Variants in ADAM12 observed in about 807,000 individuals in gnomAD.
The protein encoded by ADAM12 is disintegrin and metalloproteinase domain-containing protein 12.
In ADAM12, 70 loss-of-function variants were observed where a neutral mutation model predicts 106.4. That is an observed-to-expected ratio of 0.66 (90% CI 0.54 to 0.80). ADAM12 has a LOEUF of 0.80. ADAM12 is among the 30% of genes least tolerant of loss of function. The pLI is 0.00. For missense variants in ADAM12, 1,010 were observed against 1,171.9 expected (o/e 0.86, Z 2.02); for synonymous variants, 420 against 433.5 (o/e 0.97, Z 0.39).
intron 3 of ADAM12, among the ~76,000 whole-genome samples, chr10:126,237,230 C>A (rs892782124): frequency 6.6e-6 from 1 of 152,172 alleles, no homozygotes; most frequent in African/African-American, 2.4e-5. Flanking sequence ...CTTTGCCTTG[C>A]CTGTTAGAAC....
At chr10:126,354,331 CA>C (rs1458171013) in intron 1 of ADAM12, among the ~76,000 whole-genome samples, 3 of 152,130 alleles carry the variant, frequency 2.0e-5, no homozygotes, top group Non-Finnish European at 4.4e-5. Flanking sequence ...TAGTTTAACG[CA>C]ATTGGCTCCA....
chr10:126,050,891 GA>G (rs2133442153), intron 14 of ADAM12, among the ~76,000 whole-genome samples: 1 of 152,228 alleles, frequency 6.6e-6, no homozygotes, highest in Non-Finnish European at 1.5e-5. Context: ...CCATGTTAGA[GA>G]AGCCTCTGCA....
intron 12 of ADAM12, among the ~76,000 whole-genome samples, chr10:126,069,444 A>T (rs904911714): frequency 6.6e-6 from 1 of 152,254 alleles, no homozygotes; most frequent in Non-Finnish European, 1.5e-5. Flanking sequence ...TGGTAACTGC[A>T]TGCAAGCAGT....
intron 6 of ADAM12, among the ~76,000 whole-genome samples, chr10:126,112,314 C>A (rs1024468073): frequency 6.7e-6 from 1 of 149,900 alleles, no homozygotes; most frequent in African/African-American, 2.5e-5. Context: ...AACAAACCTG[C>A]ACGTTTTGCA....
At chr10:126,117,477 A>T (rs969324479) in intron 6 of ADAM12, among the ~76,000 whole-genome samples, 2 of 152,234 alleles carry the variant, frequency 1.3e-5, no homozygotes, top group African/African-American at 2.4e-5. Flanking sequence ...ACTGTGGATA[A>T]GCAAGATTCC....
chr10:126,379,084 C>A (rs1400818519), intron 1 of ADAM12, among the ~76,000 whole-genome samples: 1 of 152,178 alleles, frequency 6.6e-6, no homozygotes, highest in African/African-American at 2.4e-5. Flanking sequence ...GGCTTTTACA[C>A]TGTTGGTGGG....
At chr10:126,039,127 T>C (rs112793421) in intron 19 of ADAM12, among the ~76,000 whole-genome samples, 167 bp downstream of exon 19, 1 of 151,750 alleles carries the variant, frequency 6.6e-6, no homozygotes, top group African/African-American at 2.4e-5. Flanking sequence ...GCCCGGCTGA[T>C]ATTTTGTATT....
Position 126,220,068 on chromosome 10 carries a change from T to C in ADAM12, c.260+58847A>G, listed in dbSNP as rs115045312. Reference sequence around the variant, plus strand: ...AATCTCAGCAGAGACTCAGCCCCTGTAGGAGGAGGCTGAGAGGTCTCCTTC... The same window carrying C: ...AATCTCAGCAGAGACTCAGCCCCTGCAGGAGGAGGCTGAGAGGTCTCCTTC... On this transcript the variant is annotated intron_variant, in intron 3 of 22. Coordinates refer to ENST00000448723, the MANE Select transcript of ADAM12 (RefSeq NM_001288973.2). Among the ~76,000 whole-genome samples, 768 of 152,230 alleles carry C rather than the reference T, an allele frequency of 5.0e-3. 8 individuals are homozygous for C. The highest frequency in any genetic ancestry group is 0.018 in the African/African-American group (743 of 41,530).
chr10:126,373,952 T>C (rs1856196263), intron 1 of ADAM12, among the ~76,000 whole-genome samples: 1 of 152,200 alleles, frequency 6.6e-6, no homozygotes, highest in Admixed American at 6.5e-5. Flanking sequence ...CAGAGAACTC[T>C]AGCTAGATCC....
intron 21 of ADAM12, among the ~76,000 whole-genome samples, chr10:126,028,952 C>A (rs190339451): frequency 5.9e-5 from 9 of 152,224 alleles, no homozygotes; most frequent in African/African-American, 1.9e-4. Context: ...AAGACATGAA[C>A]AGACACTTCT....
intron 6 of ADAM12, 106 bp from the exon 7 acceptor site, chr10:126,109,946 A>C: frequency 9.5e-7 from 1 of 1,057,904 alleles, no homozygotes; most frequent in Non-Finnish European, 1.4e-6. Flanking sequence ...TATATCCCCC[A>C]TCCCCGCCAG....
intron 3 of ADAM12, among the ~76,000 whole-genome samples, chr10:126,203,659 G>T (rs1293967512): frequency 1.3e-5 from 2 of 152,176 alleles, no homozygotes; most frequent in African/African-American, 4.8e-5. Context: ...AATACCCTTT[G>T]CTTATCTGAC....
At chr10:126,259,525 T>A (rs1255301929) in intron 3 of ADAM12, among the ~76,000 whole-genome samples, 1 of 152,226 alleles carries the variant, frequency 6.6e-6, no homozygotes, top group African/African-American at 2.4e-5. Flanking sequence ...TCAAAAGGTC[T>A]CAGGCACCTG....
At chr10:126,310,348 C>CA (rs1489429635) in intron 2 of ADAM12, among the ~76,000 whole-genome samples, 2 of 151,930 alleles carry the variant, frequency 1.3e-5, no homozygotes, top group Non-Finnish European at 1.5e-5. Context: ...GAGAACAAGG[C>CA]AAAACCTGGG....
intron 11 of ADAM12, among the ~76,000 whole-genome samples, chr10:126,079,456 C>G (rs1955169703): frequency 1.3e-5 from 2 of 152,156 alleles, no homozygotes; most frequent in African/African-American, 4.8e-5. Context: ...GCTCCTTTCC[C>G]TTAGAATAGT....
chr10:126,383,122 AT>A (rs1431523459), intron 1 of ADAM12, among the ~76,000 whole-genome samples: 1 of 151,866 alleles, frequency 6.6e-6, no homozygotes, highest in East Asian at 1.9e-4. Context: ...TTTTTTAAAA[AT>A]TTTTTGTTGA....
rs540933237 is a variant in ADAM12 at position 126,261,548 on chromosome 10, G to A, written c.260+17367C>T. Among the ~76,000 whole-genome samples, 6 of 152,254 alleles carry A rather than the reference G, an allele frequency of 3.9e-5. 1 individual carries two copies. The South Asian group carries it at 8.3e-4, about 21-fold the overall frequency. ...TCAGACAAGCCTATCCTTTGCGACT[G>A]TGTAAAACGGTGGTGGATTTAGGCC... On this transcript the variant is annotated intron_variant, in intron 3 of 22. Transcript: ENST00000448723.
intron 11 of ADAM12, among the ~76,000 whole-genome samples, chr10:126,074,385 C>A (rs1382661247): frequency 1.4e-5 from 2 of 147,500 alleles, no homozygotes; most frequent in African/African-American, 4.8e-5. Flanking sequence ...ATGCCTTCCC[C>A]ATCTCATTCC....
rs766458486 is a variant in ADAM12, at chr10:126,101,050, CA to C, written c.911+21del. 10 of 1,600,304 alleles carry C rather than the reference CA, an allele frequency of 6.2e-6. No individual in the cohort carries two copies. The South Asian group carries it at 9.0e-5, about 14-fold the overall frequency. On this transcript the variant is annotated intron_variant, in intron 9 of 22. Coordinates refer to ENST00000448723, the MANE Select transcript of ADAM12 (RefSeq NM_001288973.2). ...CGAGAGCACTCCTTTTTTTTTTAAG[CA>C]GACAAGACGTAACTCCCTACCTGAC...
Sources: gnomAD v4.1 joint callset for allele counts (sites outside exome capture counted in the v4.1 genomes callset) on GRCh38, gnomAD v4.1.1 for gene constraint, MANE v1.5 for transcripts, NCBI Gene and HGNC (gene_info 2026-07-23, HGNC 2026-07-21) for gene names.